The following RCAN2 variants were observed in gnomAD, a reference collection of about 807,000 sequenced individuals.
RCAN2 encodes the protein regulator of calcineurin 2.
Under a neutral mutation model 23.6 loss-of-function variants are expected in RCAN2, and 9 were observed. The ratio of observed to expected loss-of-function variants is 0.38; its 90% CI spans 0.23 to 0.67. The LOEUF is 0.67. RCAN2 is among the 30% of genes least tolerant of loss of function. The probability of loss-of-function intolerance (pLI) is 0.51; values close to 1 mark genes in which losing one functional copy is unlikely to be tolerated. For synonymous variants in RCAN2, 109 were observed against 115.7 expected, an observed-to-expected ratio of 0.94 and a Z score of 0.37; for missense variants, 273 against 302.3, an observed-to-expected ratio of 0.90 and a Z score of 0.72.
At chr6:46,351,703 G>T (rs1764652015) in intron 2 of RCAN2, among the ~76,000 whole-genome samples, 1 of 152,204 alleles carries the variant, frequency 6.6e-6, no homozygotes, top group Admixed American at 6.5e-5. Context: ...GGCAAGGATG[G>T]ATGAACAAAA....
At chr6:46,468,891 T>TC in intron 1 of RCAN2, 1 of 964,614 alleles carries the variant, frequency 1.0e-6, no homozygotes, top group South Asian at 4.8e-5. Context: ...GGCTGAGTGT[T>TC]TTCATTCTCT....
chr6:46,273,885 T>C (rs1198550905), intron 2 of RCAN2, among the ~76,000 whole-genome samples: 4 of 151,976 alleles, frequency 2.6e-5, no homozygotes, highest in Non-Finnish European at 5.9e-5. Flanking sequence ...TCATGAGTTG[T>C]GTGTTTCTTT....
At chr6:46,264,312 A>T (rs1168070276) in intron 2 of RCAN2, among the ~76,000 whole-genome samples, 1 of 152,230 alleles carries the variant, frequency 6.6e-6, no homozygotes, top group Non-Finnish European at 1.5e-5. Context: ...AAGTGATCAA[A>T]GTAAGCTTTT....
intron 2 of RCAN2, among the ~76,000 whole-genome samples, chr6:46,255,759 T>A (rs958720272): frequency 6.6e-6 from 1 of 151,800 alleles, no homozygotes; most frequent in African/African-American, 2.4e-5. Context: ...AGCCGCAGGG[T>A]ATGGCAGCAT....
chr6:46,402,804 T>C (rs531002086), intron 2 of RCAN2, among the ~76,000 whole-genome samples: 278 of 152,302 alleles, frequency 1.8e-3, no homozygotes, highest in Non-Finnish European at 3.1e-3. Context: ...CCCCATATCT[T>C]TGGGTCTTTA....
rs1328289508 is a variant in RCAN2, at chr6:46,456,984, G to A, written c.-2-6C>T. The stretch of plus-strand genomic sequence containing the variant: ...GTATGATTCTCCCCTCATTCCTGGG[G>A]ATACAAAGATGAGCATGTGTTACTG... On this transcript the variant is annotated splice_polypyrimidine_tract_variant and splice_region_variant and intron_variant, in intron 1 of 4. Coordinates refer to ENST00000371374, the MANE Select transcript of RCAN2 (RefSeq NM_001251974.2). 2 of 1,539,138 alleles carry A rather than the reference G, an allele frequency of 1.3e-6. No individual in the cohort carries two copies. The highest frequency in any genetic ancestry group is 1.4e-5 in the African/African-American group (1 of 72,878).
intron 2 of RCAN2, among the ~76,000 whole-genome samples, chr6:46,305,397 G>T (rs1406194349): frequency 6.6e-6 from 1 of 151,996 alleles, no homozygotes; most frequent in Non-Finnish European, 1.5e-5. Context: ...CTGTCATCAC[G>T]TTGGCTCCAC....
intron 1 of RCAN2, among the ~76,000 whole-genome samples, chr6:46,458,552 A>G (rs1486009308): frequency 6.6e-6 from 1 of 152,142 alleles, no homozygotes; most frequent in Non-Finnish European, 1.5e-5. Context: ...TCAAACTCCA[A>G]TTAGCGCATT....
At chr6:46,381,914 C>T in intron 2 of RCAN2, among the ~76,000 whole-genome samples, 1 of 152,194 alleles carries the variant, frequency 6.6e-6, no homozygotes, top group Non-Finnish European at 1.5e-5. Flanking sequence ...CTTATATTCA[C>T]CCAGGCCTGT....
At chr6:46,473,286 T>A (rs1391020199) in intron 1 of RCAN2, among the ~76,000 whole-genome samples, 1 of 152,138 alleles carries the variant, frequency 6.6e-6, no homozygotes, top group Non-Finnish European at 1.5e-5. Context: ...TGATAATCAA[T>A]TATGACTCTA....
intron 2 of RCAN2, among the ~76,000 whole-genome samples, chr6:46,321,195 C>T (rs752892155): frequency 1.1e-4 from 16 of 152,156 alleles, no homozygotes; most frequent in Non-Finnish European, 1.9e-4. Context: ...CAAAAGTGGC[C>T]ATTCCTCCCC....
chr6:46,391,318 AG>A (rs1765929872), intron 2 of RCAN2, among the ~76,000 whole-genome samples: 1 of 152,204 alleles, frequency 6.6e-6, no homozygotes, highest in Non-Finnish European at 1.5e-5. Context: ...AGATCATGAA[AG>A]CAAAGAGTCT....
chr6:46,383,010 G>A (rs970831829), intron 2 of RCAN2, among the ~76,000 whole-genome samples: 1 of 152,174 alleles, frequency 6.6e-6, no homozygotes, highest in African/African-American at 2.4e-5. Flanking sequence ...GCAAAGGACA[G>A]AACCATCCTA....
intron 2 of RCAN2, among the ~76,000 whole-genome samples, chr6:46,323,859 T>C (rs1264280105): frequency 6.6e-6 from 1 of 152,258 alleles, no homozygotes; most frequent in Non-Finnish European, 1.5e-5. Flanking sequence ...ATGCCTGGCA[T>C]GTTGCAGATC....
rs1290584626 is a variant in RCAN2 at position 46,456,767 on chromosome 6, T to C, written c.210A>G (p.Glu70=). Residue 70 remains glutamate (E), a synonymous_variant, in exon 2 of 5, where the codon GAA becomes GAG. Coordinates refer to ENST00000371374, the MANE Select transcript of RCAN2 (RefSeq NM_001251974.2). ...GGCAGCTTACCTTGCTCTCTTCTCC[T>C]TCAAACACTGACTGGTGAACATTGC... ...FACNVHQSVF[E]GEESKEKFEG... 2 of 1,550,696 alleles carry C rather than the reference T, an allele frequency of 1.3e-6. No individual in the cohort carries two copies. Among genetic ancestry groups the C allele is most frequent in the African/African-American group, 1.4e-5 (1 of 73,070 alleles).
chr6:46,302,258 G>T (rs1487602645), intron 2 of RCAN2, among the ~76,000 whole-genome samples: 1 of 152,084 alleles, frequency 6.6e-6, no homozygotes, highest in Non-Finnish European at 1.5e-5. Flanking sequence ...AAAATGGCAG[G>T]GTGAGCTGAC....
rs535036711 is a variant in RCAN2 at position 46,300,988 on chromosome 6, G to A, written c.226-52092C>T. 9.9e-4 allele frequency among the ~76,000 whole-genome samples: 150 copies of A among 150,810 alleles called. 1 individual carries two copies. The highest frequency in any genetic ancestry group is 3.4e-3 in the African/African-American group (139 of 41,110). ...CTTTTGTCATTTTTTTTTTAAATCC[G>A]AAGTGCCAAAAATCCCCAAAACAAA... On this transcript the variant is annotated intron_variant, in intron 2 of 4. Transcript: ENST00000371374.
intron 2 of RCAN2, among the ~76,000 whole-genome samples, chr6:46,354,312 T>G (rs1764757271): frequency 6.6e-6 from 1 of 151,396 alleles, no homozygotes; most frequent in South Asian, 2.1e-4. Context: ...GGCAGAAGTT[T>G]TCAACTCTGA....
intron 2 of RCAN2, among the ~76,000 whole-genome samples, chr6:46,407,046 A>AC (rs1561893070): frequency 6.6e-6 from 1 of 152,190 alleles, no homozygotes; most frequent in African/African-American, 2.4e-5. Context: ...CTCCTGGGGC[A>AC]TGGAACTGAG....
Sources: gnomAD v4.1 joint callset for allele counts (sites outside exome capture counted in the v4.1 genomes callset) on GRCh38, gnomAD v4.1.1 for gene constraint, MANE v1.5 for transcripts, NCBI Gene and HGNC (gene_info 2026-07-23, HGNC 2026-07-21) for gene names.